The following TMEM108 variants were observed in gnomAD, a reference collection of about 807,000 sequenced individuals.
TMEM108 encodes the protein cancer/testis antigen 124.
TMEM108 carries 12 observed loss-of-function variants against 35.1 expected under a neutral mutation model. The ratio of observed to expected loss-of-function variants is 0.34; its 90% CI spans 0.22 to 0.55. TMEM108 has a LOEUF of 0.55. Ranked by LOEUF, TMEM108 falls within the 20% of genes least tolerant of loss-of-function variation. The pLI, the probability that TMEM108 is intolerant of heterozygous loss-of-function variation, is 0.89. For synonymous variants in TMEM108, 287 were observed against 308.6 expected (o/e 0.93, Z 0.73); for missense variants, 680 against 753.3 (o/e 0.90, Z 1.14).
chr3:133,248,891 T>C (rs183325882), intron 3 of TMEM108, among the ~76,000 whole-genome samples: 2 of 152,334 alleles, frequency 1.3e-5, no homozygotes, highest in Non-Finnish European at 2.9e-5. Flanking sequence ...TAATTGTTTC[T>C]TGAATTAAAT....
intron 1 of TMEM108, among the ~76,000 whole-genome samples, chr3:133,041,196 C>G (rs992072658): frequency 1.3e-5 from 2 of 152,214 alleles, no homozygotes; most frequent in Admixed American, 1.3e-4. Flanking sequence ...ATTGGCTAGC[C>G]TGGCTGGCTT....
intron 2 of TMEM108, among the ~76,000 whole-genome samples, chr3:133,141,400 G>A (rs905625308): frequency 1.3e-5 from 2 of 152,170 alleles, no homozygotes; most frequent in Admixed American, 6.5e-5. Context: ...GGGCAAGTGT[G>A]GCAGGACTGG....
chr3:133,221,660 C>CTTTTTTTTTTTTTTTTTTT (rs3078806), intron 2 of TMEM108, among the ~76,000 whole-genome samples: 4 of 60,354 alleles, frequency 6.6e-5, no homozygotes, highest in Non-Finnish European at 1.2e-4. Flanking sequence ...ACATTGATTC[C>CTTTTTTTTTTTTTTTTTTT]TTTTTTTTTT....
rs573904348 is a variant in TMEM108, at chr3:133,112,608, C to T, written c.-47+66588C>T. Among the ~76,000 whole-genome samples, 13 of 152,274 alleles carry T rather than the reference C, an allele frequency of 8.5e-5. 1 individual carries two copies. Among genetic ancestry groups the T allele is most frequent in the African/African-American group, 2.9e-4 (12 of 41,552 alleles). On this transcript the variant is annotated intron_variant, in intron 2 of 5. Transcript: ENST00000321871. ...TCTTTTATCTTCCCTCAACCCTATT[C>T]ACACATGGTGATTGGTCAGACAATA...
chr3:133,142,631 A>C (rs1009190156), intron 2 of TMEM108, among the ~76,000 whole-genome samples: 2 of 152,210 alleles, frequency 1.3e-5, no homozygotes, highest in African/African-American at 4.8e-5. Flanking sequence ...TCTAGAAATC[A>C]GGCCTTACAA....
chr3:133,302,317 T>C (rs764350335), intron 3 of TMEM108, among the ~76,000 whole-genome samples: 16 of 151,942 alleles, frequency 1.1e-4, no homozygotes, highest in Non-Finnish European at 1.9e-4. Flanking sequence ...AGACTTTACC[T>C]AGGAGGGAAT....
chr3:133,387,039 T>TGAAA (rs1273981311), intron 4 of TMEM108: 3 of 985,612 alleles, frequency 3.0e-6, no homozygotes, highest in Non-Finnish European at 3.6e-6. Flanking sequence ...CTTTCTTGGA[T>TGAAA]GAAAGGTGAG....
chr3:133,282,097 C>CA (rs1281376304), intron 3 of TMEM108, among the ~76,000 whole-genome samples: 1 of 151,944 alleles, frequency 6.6e-6, no homozygotes, highest in Non-Finnish European at 1.5e-5. Flanking sequence ...GCGGAGCTTG[C>CA]AGTGAGCCGA....
At chr3:133,136,321 C>T (rs372492525) in intron 2 of TMEM108, among the ~76,000 whole-genome samples, 7 of 152,250 alleles carry the variant, frequency 4.6e-5, no homozygotes, top group East Asian at 1.9e-4. Context: ...TCTGTCAAGA[C>T]AGGAGAGAAG....
chr3:133,373,384 TGATAGATAGATA>T (rs55867564), intron 3 of TMEM108, among the ~76,000 whole-genome samples: 17,891 of 136,180 alleles, frequency 0.13, 1,259 homozygotes, highest in Middle Eastern at 0.19. Flanking sequence ...GATAGATAGA[TGATAGATAGATA>T]GATAGATAGA....
intron 2 of TMEM108, among the ~76,000 whole-genome samples, chr3:133,205,167 T>A (rs1245542417): frequency 6.6e-6 from 1 of 152,120 alleles, no homozygotes; most frequent in Non-Finnish European, 1.5e-5. Context: ...TGGTAAATCT[T>A]CCTCCATCCC....
intron 2 of TMEM108, among the ~76,000 whole-genome samples, chr3:133,084,695 A>T (rs1279381055): frequency 6.6e-6 from 1 of 152,210 alleles, no homozygotes. Flanking sequence ...CGTCATTACT[A>T]TATGCAAAGG....
At chr3:133,178,125 C>A (rs970978651) in intron 2 of TMEM108, among the ~76,000 whole-genome samples, 1 of 152,128 alleles carries the variant, frequency 6.6e-6, no homozygotes, top group African/African-American at 2.4e-5. Flanking sequence ...AGGACCTCTT[C>A]AAGGAGAACT....
At chr3:133,112,019 G>A (rs1047696316) in intron 2 of TMEM108, among the ~76,000 whole-genome samples, 1 of 152,144 alleles carries the variant, frequency 6.6e-6, no homozygotes, top group African/African-American at 2.4e-5. Context: ...GTTCTGCAGT[G>A]AGAGTTTATA....
intron 2 of TMEM108, among the ~76,000 whole-genome samples, chr3:133,227,073 TC>T (rs1946082282): frequency 6.6e-6 from 1 of 152,108 alleles, no homozygotes; most frequent in Non-Finnish European, 1.5e-5. Context: ...TGCCACCAGG[TC>T]CTTCCCACAA....
At chr3:133,060,601 C>G (rs1341647038) in intron 2 of TMEM108, among the ~76,000 whole-genome samples, 1 of 152,108 alleles carries the variant, frequency 6.6e-6, no homozygotes, top group Non-Finnish European at 1.5e-5. Context: ...TTTTTGAGAG[C>G]TAATTAGGTC....
rs771083342 is a variant in TMEM108 at position 133,351,694 on chromosome 3, AGCC to A, written c.41-28057_41-28055del. Among the ~76,000 whole-genome samples the A allele has an allele frequency of 9.2e-5, 14 of 152,310 alleles. No individual in the cohort carries two copies. The East Asian group carries it at 1.2e-3, about 13-fold the overall frequency. On this transcript the variant is annotated intron_variant, in intron 3 of 5. Coordinates refer to ENST00000321871, the MANE Select transcript of TMEM108 (RefSeq NM_023943.4). ...CTATATTATCACAGAAGTCTTCATA[AGCC>A]TCTATTTCATGGATGAGGAAAGTGA... is the stretch of plus-strand genomic sequence containing the variant.
At chr3:133,274,636 G>T (rs1946814992) in intron 3 of TMEM108, among the ~76,000 whole-genome samples, 1 of 152,212 alleles carries the variant, frequency 6.6e-6, no homozygotes, top group Admixed American at 6.5e-5. Context: ...GTGCTGTTGG[G>T]CAAGAAGTCC....
intron 3 of TMEM108, among the ~76,000 whole-genome samples, chr3:133,283,687 A>G (rs1269462255): frequency 1.3e-5 from 2 of 152,222 alleles, no homozygotes; most frequent in African/African-American, 4.8e-5. Context: ...AATTTCTTAC[A>G]CCTTCAGCAA....
Sources: allele counts gnomAD v4.1 joint callset (sites outside exome capture counted in the v4.1 genomes callset), GRCh38; gene constraint gnomAD v4.1.1; transcripts MANE v1.5; gene names NCBI Gene and HGNC (gene_info 2026-07-23, HGNC 2026-07-21).